WASHC3: variants seen among roughly 807,000 people sequenced by gnomAD.
WASHC3 encodes the protein WASH complex subunit 3, also known as WASH complex subunit CCDC53.
Under a neutral mutation model 26.1 loss-of-function variants are expected in WASHC3, and 24 were observed. That is an observed-to-expected ratio of 0.92 (90% confidence interval 0.66 to 1.29). The LOEUF is 1.29. WASHC3 is among the 50% of genes most tolerant of loss of function. WASHC3 has a pLI of 0.00. For missense variants in WASHC3, 214 were observed against 229.6 expected (o/e 0.93, Z 0.44); for synonymous variants, 77 against 75.7 (o/e 1.02, Z -0.09).
intron 6 of WASHC3, among the ~76,000 whole-genome samples, chr12:102,015,302 G>C (rs1394401426): frequency 6.6e-6 from 1 of 152,082 alleles, no homozygotes; most frequent in Non-Finnish European, 1.5e-5. Flanking sequence ...AAAAAAAAAG[G>C]AAAAGGGTAA....
At chr12:102,029,460 G>A (rs576724036) in intron 5 of WASHC3, among the ~76,000 whole-genome samples, 2 of 152,316 alleles carry the variant, frequency 1.3e-5, no homozygotes, top group Non-Finnish European at 2.9e-5. Flanking sequence ...TATGATGGCA[G>A]CACTAATAGT....
At chr12:102,046,323 G>A (rs1878164054) in intron 2 of WASHC3, among the ~76,000 whole-genome samples, 2 of 151,450 alleles carry the variant, frequency 1.3e-5, no homozygotes, top group Non-Finnish European at 2.9e-5. Flanking sequence ...TTGGGACGGA[G>A]TCTTGCTCTG....
chr12:102,053,062 G>A (rs1878456230), intron 2 of WASHC3, among the ~76,000 whole-genome samples: 1 of 151,446 alleles, frequency 6.6e-6, no homozygotes, highest in Admixed American at 6.6e-5. Flanking sequence ...CCCCATGGAC[G>A]GAGGCTGCAG....
intron 2 of WASHC3, 131 bp downstream of exon 2, chr12:102,061,117 T>C: frequency 1.6e-6 from 1 of 636,478 alleles, no homozygotes; most frequent in South Asian, 2.0e-5. Flanking sequence ...TAAGATGTGT[T>C]AACACAATTG....
intron 4 of WASHC3, among the ~76,000 whole-genome samples, chr12:102,043,177 T>A (rs1232817833): frequency 3.9e-5 from 6 of 152,252 alleles, no homozygotes; most frequent in Non-Finnish European, 2.9e-5. Context: ...TGCTTCATTC[T>A]AACAAGCTGC....
intron 5 of WASHC3, among the ~76,000 whole-genome samples, chr12:102,033,831 C>A (rs1160405223): frequency 6.6e-6 from 1 of 150,840 alleles, no homozygotes; most frequent in African/African-American, 2.4e-5. Context: ...AAAACTGTTT[C>A]TATAAGCTGT....
At chr12:102,042,438 C>CAGTGT (rs891698798) in intron 4 of WASHC3, among the ~76,000 whole-genome samples, 2 of 152,172 alleles carry the variant, frequency 1.3e-5, no homozygotes, top group Non-Finnish European at 1.5e-5. Context: ...GTACTGAAAA[C>CAGTGT]AGTGTAGTGT....
chr12:102,028,509 T>C (rs1315641976), intron 5 of WASHC3, among the ~76,000 whole-genome samples: 2 of 152,048 alleles, frequency 1.3e-5, no homozygotes, highest in Non-Finnish European at 2.9e-5. Context: ...TTATTTATTA[T>C]ACTTTAGCAT....
At chr12:102,042,284 A>G (rs1877969680) in intron 4 of WASHC3, among the ~76,000 whole-genome samples, 1 of 152,192 alleles carries the variant, frequency 6.6e-6, no homozygotes, top group Non-Finnish European at 1.5e-5. Flanking sequence ...TATTAAATAA[A>G]TGGATGTTAA....
intron 5 of WASHC3, among the ~76,000 whole-genome samples, chr12:102,032,511 T>C (rs532844834): frequency 6.6e-6 from 1 of 152,204 alleles, no homozygotes; most frequent in Admixed American, 6.5e-5. Flanking sequence ...ATGACAAACA[T>C]TAAATCAAAA....
rs1286063183 is a variant in WASHC3, at chr12:102,026,011, T to A, written c.463A>T (p.Lys155Ter). The change falls in exon 6 of 7, where the codon AAA (lysine) becomes TAA (stop). Residue 155 changes from lysine to a stop codon, truncating the protein, a stop_gained. Transcript: ENST00000240079. LOFTEE classifies it high-confidence loss of function. ...GGGTCTAGTCCTTCTGATATCATTT[T>A]GTTTCTTATTGCCATCACTGGTACA... ...VGVPVMAIRN[K>*]MISEGLDPDL... is the part of the protein sequence containing the mutation. 1 of 1,546,326 alleles carries A rather than the reference T, an allele frequency of 6.5e-7. No homozygotes were observed. The highest frequency in any genetic ancestry group is 8.8e-7 in the Non-Finnish European group (1 of 1,136,162).
rs143168352 is a variant in WASHC3, at chr12:102,043,302, C to T, written c.324+803G>A. Reference sequence around the variant, plus strand: ...TTTTTATTTTTGAGGCAGGGACTTGCGCTGTCACCTAGGCTGGAGTGCAGT... The same window carrying T: ...TTTTTATTTTTGAGGCAGGGACTTGTGCTGTCACCTAGGCTGGAGTGCAGT... On this transcript the variant is annotated intron_variant, in intron 4 of 6. Coordinates refer to ENST00000240079, the MANE Select transcript of WASHC3 (RefSeq NM_016053.4). 5.9e-5 allele frequency among the ~76,000 whole-genome samples: 9 copies of T among 152,162 alleles called. No individual in the cohort carries two copies. In the South Asian group the frequency reaches 8.3e-4, roughly 14 times the overall value.
At chr12:102,027,165 T>G (rs2121354518) in intron 5 of WASHC3, among the ~76,000 whole-genome samples, 1 of 152,334 alleles carries the variant, frequency 6.6e-6, no homozygotes, top group African/African-American at 2.4e-5. Context: ...CTCAATTATT[T>G]ATTATTTGCG....
In WASHC3 at chr12:102,029,914, A is replaced by G. The variant is rs150639164; in HGVS notation, c.436-3876T>C. 4.5e-4 allele frequency among the ~76,000 whole-genome samples: 68 copies of G among 152,340 alleles called. 1 individual carries two copies. The East Asian group carries it at 9.4e-3, about 21-fold the overall frequency. On this transcript the variant is annotated intron_variant, in intron 5 of 6. Transcript: ENST00000240079. ...TTGTTAAAAGGCAGCTAGTCCCCCAATCAGGCTCCTTTTACTTAAAATTTA... is the reference window on the plus strand; with the variant it reads ...TTGTTAAAAGGCAGCTAGTCCCCCAGTCAGGCTCCTTTTACTTAAAATTTA...
intron 2 of WASHC3, among the ~76,000 whole-genome samples, chr12:102,048,989 G>T (rs549539762): frequency 2.6e-5 from 4 of 152,326 alleles, no homozygotes; most frequent in Admixed American, 6.5e-5. Flanking sequence ...AAGAGCCATT[G>T]TCAGGTGAAA....
At chr12:102,025,902 G>T in intron 6 of WASHC3, 72 bp downstream of exon 6, 2 of 799,530 alleles carry the variant, frequency 2.5e-6, no homozygotes, top group South Asian at 1.6e-5. Context: ...CAGAGAATTT[G>T]AAATATTTTT....
intron 5 of WASHC3, among the ~76,000 whole-genome samples, chr12:102,036,277 G>A (rs1030469182): frequency 1.3e-5 from 2 of 150,322 alleles, no homozygotes; most frequent in African/African-American, 4.9e-5. Flanking sequence ...CAGGAGAATC[G>A]CTTGAATCTG....
chr12:102,053,298 CT>C (rs1878466714), intron 2 of WASHC3, among the ~76,000 whole-genome samples: 1 of 152,126 alleles, frequency 6.6e-6, no homozygotes, highest in Non-Finnish European at 1.5e-5. Flanking sequence ...AGGCCCACCC[CT>C]ATAGAGCTAA....
intron 5 of WASHC3, among the ~76,000 whole-genome samples, chr12:102,038,287 G>A (rs4556601): frequency 0.16 from 23,658 of 152,122 alleles, 1,925 homozygotes; most frequent in Non-Finnish European, 0.18. Flanking sequence ...AACAGATGGT[G>A]GATTTAAAAA....
Sources: gnomAD v4.1 joint callset for allele counts (sites outside exome capture counted in the v4.1 genomes callset) on GRCh38, gnomAD v4.1.1 for gene constraint, MANE v1.5 for transcripts, NCBI Gene and HGNC (gene_info 2026-07-23, HGNC 2026-07-21) for gene names.